The following UBE3C variants were observed in gnomAD, a reference collection of about 807,000 sequenced individuals.
The protein encoded by UBE3C is ubiquitin protein ligase E3C.
In UBE3C, 42 loss-of-function variants were observed where a neutral mutation model predicts 129.4. The ratio of observed to expected loss-of-function variants is 0.32; its 90% CI spans 0.25 to 0.42. UBE3C has a LOEUF of 0.42. Ranked by LOEUF, UBE3C falls within the 10% of genes least tolerant of loss-of-function variation. The pLI, the probability that UBE3C is intolerant of heterozygous loss-of-function variation, is 1.00. For missense variants in UBE3C, 1,049 were observed against 1,319.1 expected (o/e 0.80, Z 3.17); for synonymous variants, 510 against 492.4 (o/e 1.04, Z -0.47).
At chr7:157,224,029 G>A (rs1435429345) in intron 16 of UBE3C, among the ~76,000 whole-genome samples, 1 of 150,794 alleles carries the variant, frequency 6.6e-6, no homozygotes, top group Non-Finnish European at 1.5e-5. Context: ...TTTTTTCTGA[G>A]ACAGGATCTC....
In UBE3C at chr7:157,208,211, G is replaced by T. The variant is rs547897302; in HGVS notation, c.1809+276G>T. On this transcript the variant is annotated intron_variant, in intron 13 of 22. Coordinates refer to ENST00000348165, the MANE Select transcript of UBE3C (RefSeq NM_014671.3). ...CACCTCAGCCTCCTGAGTAGCTGGG[G>T]CTACTGGCACATGCCACCACACCCA... Among the ~76,000 whole-genome samples, 27 of 151,480 alleles carry T rather than the reference G, an allele frequency of 1.8e-4. 1 individual carries two copies. The South Asian group carries it at 5.6e-3, about 32-fold the overall frequency.
chr7:157,252,456 G>A lies in UBE3C; in HGVS notation c.2695-1498G>A, dbSNP rs1026013925. ...TGAAAGCCCATTCTTAGGCTTGATG[G>A]TTCCAAACCTTAGGAAGTGAATTAT... On this transcript the variant is annotated intron_variant, in intron 19 of 22. Transcript: ENST00000348165. Among the ~76,000 whole-genome samples, 33 of 152,216 alleles carry A rather than the reference G, an allele frequency of 2.2e-4. 1 individual carries two copies. Among genetic ancestry groups the A allele is most frequent in the African/African-American group, 7.7e-4 (32 of 41,452 alleles).
intron 1 of UBE3C, among the ~76,000 whole-genome samples, chr7:157,140,581 C>T (rs1807415860): frequency 6.6e-6 from 1 of 152,190 alleles, no homozygotes; most frequent in African/African-American, 2.4e-5. Context: ...AATCTCAGGG[C>T]CAAATCGCCT....
chr7:157,168,722 G>A (rs796971162), intron 2 of UBE3C, among the ~76,000 whole-genome samples: 25 of 152,328 alleles, frequency 1.6e-4, no homozygotes, highest in African/African-American at 5.5e-4. Context: ...TCCATTATAT[G>A]AAGTGTCCAG....
chr7:157,192,956 A>G (rs1342273425), intron 10 of UBE3C: 3 of 606,130 alleles, frequency 4.9e-6, no homozygotes, highest in Admixed American at 5.8e-5. Flanking sequence ...GCATGAGGGA[A>G]AGTATGTTTT....
chr7:157,244,486 A>G (rs1192887319), intron 18 of UBE3C, among the ~76,000 whole-genome samples: 3 of 152,216 alleles, frequency 2.0e-5, no homozygotes, highest in Non-Finnish European at 1.5e-5. Flanking sequence ...CTCAGTTAGG[A>G]TGGCTTTAAA....
chr7:157,190,576 C>T (rs1374919208), intron 10 of UBE3C, among the ~76,000 whole-genome samples: 2 of 152,092 alleles, frequency 1.3e-5, no homozygotes, highest in Admixed American at 6.5e-5. Flanking sequence ...TGCTGGTGGG[C>T]GGTGCTGCCC....
At chr7:157,171,415 A>T (rs1226779152) in intron 4 of UBE3C, among the ~76,000 whole-genome samples, 1 of 151,940 alleles carries the variant, frequency 6.6e-6, no homozygotes, top group African/African-American at 2.4e-5. Context: ...AGCATAAGCC[A>T]CCATGCCCAG....
At chr7:157,223,123 G>A (rs1795783579) in intron 15 of UBE3C, 131 bp from the exon 16 acceptor site, 2 of 892,834 alleles carry the variant, frequency 2.2e-6, no homozygotes, top group Middle Eastern at 2.2e-4. Flanking sequence ...AGGCGGGGAT[G>A]TGTTCATGGA....
chr7:157,158,912 C>T (rs150917448), intron 1 of UBE3C, among the ~76,000 whole-genome samples: 1 of 152,326 alleles, frequency 6.6e-6, no homozygotes, highest in African/African-American at 2.4e-5. Context: ...CATTGTGCTC[C>T]AGCACCAGAA....
intron 1 of UBE3C, among the ~76,000 whole-genome samples, chr7:157,153,955 C>T (rs1185239635): frequency 1.3e-4 from 20 of 151,882 alleles, no homozygotes; most frequent in Admixed American, 1.3e-3. Context: ...CAAGACCGCG[C>T]CACTGCACTC....
intron 4 of UBE3C, among the ~76,000 whole-genome samples, chr7:157,172,824 A>G (rs1420695695): frequency 6.6e-6 from 1 of 152,230 alleles, no homozygotes. Flanking sequence ...GAGCACAGAC[A>G]GGCAGGTGCT....
At chr7:157,148,544 A>T (rs1221576572) in intron 1 of UBE3C, among the ~76,000 whole-genome samples, 1 of 152,024 alleles carries the variant, frequency 6.6e-6, no homozygotes, top group Non-Finnish European at 1.5e-5. Flanking sequence ...GCCCTCTATT[A>T]TATAATTGAA....
chr7:157,217,562 C>T (rs1437057250), intron 14 of UBE3C, among the ~76,000 whole-genome samples: 1 of 152,106 alleles, frequency 6.6e-6, no homozygotes, highest in Admixed American at 6.6e-5. Context: ...AGTGGCCAGG[C>T]GCGGTGGCTC....
intron 19 of UBE3C, among the ~76,000 whole-genome samples, chr7:157,250,130 G>A (rs1584821541): frequency 1.3e-5 from 2 of 152,192 alleles, no homozygotes; most frequent in Admixed American, 6.5e-5. Flanking sequence ...GAGACTGGCC[G>A]GGAGGTGTGA....
At chr7:157,258,747 A>G (rs760312743) in intron 22 of UBE3C, among the ~76,000 whole-genome samples, 5 of 152,234 alleles carry the variant, frequency 3.3e-5, no homozygotes, top group African/African-American at 4.8e-5. Flanking sequence ...GGTATGAGCC[A>G]TCATGCCCGG....
chr7:157,160,314 A>G (rs1808035910), intron 1 of UBE3C, among the ~76,000 whole-genome samples: 2 of 152,114 alleles, frequency 1.3e-5, no homozygotes, highest in South Asian at 4.1e-4. Flanking sequence ...ACCTCAGGCG[A>G]TCTGCCGGCC....
At chr7:157,257,095 G>A in intron 22 of UBE3C, 51 bp downstream of exon 22, 1 of 1,607,526 alleles carries the variant, frequency 6.2e-7, no homozygotes, top group Non-Finnish European at 8.5e-7. Context: ...TAATAAGAAA[G>A]GCAGCAGAAC....
At chr7:157,186,192 G>A (rs1808800333) in intron 9 of UBE3C, among the ~76,000 whole-genome samples, 1 of 152,128 alleles carries the variant, frequency 6.6e-6, no homozygotes, top group Non-Finnish European at 1.5e-5. Flanking sequence ...GGAAGGCTGA[G>A]GCAGCTGGAT....
Sources: gnomAD v4.1 joint callset for allele counts (sites outside exome capture counted in the v4.1 genomes callset) on GRCh38, gnomAD v4.1.1 for gene constraint, MANE v1.5 for transcripts, NCBI Gene and HGNC (gene_info 2026-07-23, HGNC 2026-07-21) for gene names.